SNAP91: variants seen among roughly 807,000 people sequenced by gnomAD.
The protein encoded by SNAP91 is clathrin coat assembly protein AP180.
A neutral mutation model predicts 100.3 loss-of-function variants in SNAP91; 27 were observed. The ratio of observed to expected loss-of-function variants is 0.27; its 90% CI spans 0.20 to 0.37. The LOEUF (loss-of-function observed/expected upper bound fraction) is 0.37, where lower values mean the gene tolerates loss of function less well. SNAP91 is among the 10% of genes least tolerant of loss of function. The pLI is 1.00. For missense variants in SNAP91, 986 were observed against 1,123.7 expected (o/e 0.88, Z 1.75); for synonymous variants, 404 against 398.6 (o/e 1.01, Z -0.16).
chr6:83,603,429 A>G (rs1032393935), intron 14 of SNAP91, among the ~76,000 whole-genome samples: 1 of 151,696 alleles, frequency 6.6e-6, no homozygotes, highest in Non-Finnish European at 1.5e-5. Flanking sequence ...GGATCTCACT[A>G]TGTTGCTCAG....
At chr6:83,579,418 T>C (rs1360121475) in intron 24 of SNAP91, among the ~76,000 whole-genome samples, 1 of 152,164 alleles carries the variant, frequency 6.6e-6, no homozygotes, top group African/African-American at 2.4e-5. Context: ...CCGGGTGTCA[T>C]AAAAGTATTT....
intron 2 of SNAP91, among the ~76,000 whole-genome samples, chr6:83,698,991 A>T (rs2099258220): frequency 6.6e-6 from 1 of 152,182 alleles, no homozygotes; most frequent in Admixed American, 6.5e-5. Flanking sequence ...TTAATTTTCA[A>T]ATTACAGATA....
chr6:83,644,034 CTCTT>C (rs2097820765), intron 7 of SNAP91, among the ~76,000 whole-genome samples: 2 of 152,148 alleles, frequency 1.3e-5, no homozygotes, highest in South Asian at 2.1e-4. Flanking sequence ...TTTTTGTTCT[CTCTT>C]TCTACAACAA....
At chr6:83,572,024 G>A (rs908331903) in intron 26 of SNAP91, among the ~76,000 whole-genome samples, 11 of 152,014 alleles carry the variant, frequency 7.2e-5, no homozygotes, top group East Asian at 1.9e-4. Context: ...CTTGTCTTCC[G>A]CCATGATTGT....
chr6:83,601,229 AG>A (rs773818765), intron 16 of SNAP91, 41 bp downstream of exon 16: 2 of 1,602,522 alleles, frequency 1.2e-6, no homozygotes, highest in Non-Finnish European at 1.7e-6. Flanking sequence ...AAGTAATTTT[AG>A]CAATCCTGAA....
At chr6:83,681,556 T>C (rs1037458194) in intron 2 of SNAP91, among the ~76,000 whole-genome samples, 4 of 151,962 alleles carry the variant, frequency 2.6e-5, no homozygotes, top group Admixed American at 6.6e-5. Flanking sequence ...ATGACAAAGA[T>C]TACTAGCCAG....
chr6:83,616,999 T>G lies in SNAP91; in HGVS notation c.848A>C (p.Asn283Thr). The change falls in exon 10 of 30, where the codon AAT becomes ACT. Residue 283 changes from asparagine (N) to threonine (T), a missense_variant. This residue lies in a region of SNAP91 where 330 missense variants were observed against 447.5 expected (regional missense o/e 0.74). Transcript: ENST00000369694. Reference sequence around the variant, plus strand: ...TCCAGGTTTCTTTCCTTCTAATGTATTTAGATGCTGTTCAAGCGTCTCCAT... The same window carrying G: ...TCCAGGTTTCTTTCCTTCTAATGTAGTTAGATGCTGTTCAAGCGTCTCCAT... Reference protein sequence around the residue: ...SLMETLEQHLNTLEGKKPGNN... With the variant: ...SLMETLEQHLTTLEGKKPGNN... 3 of 1,548,530 alleles carry G rather than the reference T, an allele frequency of 1.9e-6. No homozygotes were observed. Among genetic ancestry groups the G allele is most frequent in the Non-Finnish European group, 2.6e-6 (3 of 1,145,220 alleles).
chr6:83,698,829 C>T (rs764119357), intron 2 of SNAP91, among the ~76,000 whole-genome samples: 8 of 152,086 alleles, frequency 5.3e-5, no homozygotes, highest in African/African-American at 1.9e-4. Context: ...TTAAGTAACA[C>T]CTCACTATAA....
chr6:83,601,733 G>T (rs2095250101), intron 14 of SNAP91, 134 bp from the exon 15 acceptor site: 1 of 795,362 alleles, frequency 1.3e-6, no homozygotes, highest in African/African-American at 1.7e-5. Flanking sequence ...TACACCATTT[G>T]CAATTAAAAA....
intron 3 of SNAP91, among the ~76,000 whole-genome samples, chr6:83,664,296 T>G (rs1364497501): frequency 1.3e-5 from 2 of 152,200 alleles, no homozygotes; most frequent in African/African-American, 4.8e-5. Context: ...TGTAAGGCTA[T>G]AGCTACCACA....
chr6:83,567,651 C>T (rs1322120867), intron 26 of SNAP91, among the ~76,000 whole-genome samples: 1 of 151,902 alleles, frequency 6.6e-6, no homozygotes, highest in Non-Finnish European at 1.5e-5. Flanking sequence ...AACAAATTTA[C>T]AAGAAAAAAA....
chr6:83,708,142 G>A (rs560390085), intron 1 of SNAP91, 185 bp from the exon 2 acceptor site: 1 of 515,712 alleles, frequency 1.9e-6, no homozygotes, highest in Non-Finnish European at 3.3e-6. Context: ...AGTCTTGGCC[G>A]TGAGTAGGGC....
intron 5 of SNAP91, among the ~76,000 whole-genome samples, chr6:83,660,885 C>G (rs901876091): frequency 1.3e-5 from 2 of 151,672 alleles, no homozygotes; most frequent in Non-Finnish European, 2.9e-5. Flanking sequence ...ATCAAGCAAT[C>G]CTCCTGCCTT....
chr6:83,643,224 T>G (rs535322681), intron 7 of SNAP91, among the ~76,000 whole-genome samples: 104 of 152,360 alleles, frequency 6.8e-4, no homozygotes, highest in African/African-American at 2.5e-3. Context: ...TTGGCTTTTG[T>G]TGCCATTGCT....
At chr6:83,706,985 AT>A (rs953446792) in intron 2 of SNAP91, among the ~76,000 whole-genome samples, 1 of 152,244 alleles carries the variant, frequency 6.6e-6, no homozygotes, top group Non-Finnish European at 1.5e-5. Context: ...TATTTCAGAA[AT>A]ATATAGATTC....
At chr6:83,701,041 G>A (rs779530319) in intron 2 of SNAP91, among the ~76,000 whole-genome samples, 46 of 152,270 alleles carry the variant, frequency 3.0e-4, no homozygotes, top group Admixed American at 4.6e-4. Flanking sequence ...GCCATTCAAA[G>A]ACATAGAATA....
chr6:83,638,412 G>A (rs959511934), intron 8 of SNAP91, among the ~76,000 whole-genome samples: 2 of 151,806 alleles, frequency 1.3e-5, no homozygotes, highest in Non-Finnish European at 2.9e-5. Flanking sequence ...TTTGGCTTTA[G>A]GAACAGTTTA....
intron 2 of SNAP91, chr6:83,685,972 T>G (rs949229121): frequency 6.3e-6 from 1 of 158,316 alleles, no homozygotes; most frequent in African/African-American, 2.4e-5. Flanking sequence ...TTTATTTCTT[T>G]TTGATTCTCT....
intron 6 of SNAP91, among the ~76,000 whole-genome samples, chr6:83,658,562 C>T (rs185116582): frequency 2.8e-4 from 42 of 151,992 alleles, no homozygotes; most frequent in African/African-American, 9.4e-4. Flanking sequence ...GCGGAGATCG[C>T]GCCACTGCAC....
Sources: allele counts gnomAD v4.1 joint callset (sites outside exome capture counted in the v4.1 genomes callset), GRCh38; gene constraint gnomAD v4.1.1; regional missense constraint gnomAD v4.1.1; transcripts MANE v1.5; gene names NCBI Gene and HGNC (gene_info 2026-07-23, HGNC 2026-07-21).